The following FNTA variants were observed in gnomAD, a reference collection of about 807,000 sequenced individuals.
The protein encoded by FNTA is farnesyltransferase, CAAX box, subunit alpha, also known as protein farnesyltransferase/geranylgeranyltransferase type-1 subunit alpha.
Under a neutral mutation model 55.2 loss-of-function variants are expected in FNTA, and 27 were observed. The observed-to-expected ratio is 0.49, with a 90% CI of 0.36 to 0.67. FNTA has a LOEUF of 0.67. Ranked by LOEUF, FNTA falls within the 30% of genes least tolerant of loss-of-function variation. The pLI, the probability that FNTA is intolerant of heterozygous loss-of-function variation, is 0.00. For synonymous variants in FNTA, 176 were observed against 170.7 expected, an observed-to-expected ratio of 1.03 and a Z score of -0.24; for missense variants, 422 against 464.7, an observed-to-expected ratio of 0.91 and a Z score of 0.85.
intron 4 of FNTA, among the ~76,000 whole-genome samples, chr8:43,070,719 C>T (rs555433131): frequency 2.0e-5 from 3 of 152,214 alleles, no homozygotes; most frequent in Non-Finnish European, 2.9e-5. Flanking sequence ...CCGCTCTGTT[C>T]GTTTTATAAC....
At chr8:43,065,066 C>T (rs1235031065) in intron 3 of FNTA, among the ~76,000 whole-genome samples, 3 of 151,670 alleles carry the variant, frequency 2.0e-5, no homozygotes, top group Non-Finnish European at 4.4e-5. Flanking sequence ...GATCTCCTGA[C>T]CTCGTGATCC....
At chr8:43,066,261 G>A (rs544168161) in intron 3 of FNTA, among the ~76,000 whole-genome samples, 1 of 146,992 alleles carries the variant, frequency 6.8e-6, no homozygotes. Flanking sequence ...CTGTGAATAT[G>A]CTTTTTTTTT....
In FNTA at chr8:43,056,456, A is replaced by C; in HGVS notation, c.110A>C (p.Glu37Ala). ...CCGCCGCCCCAGCAGCAGCACAAGG[A>C]AGAGATGGCGGCCGAGGCTGGGGAA... ...HPPPPQQQHK[E>A]EMAAEAGEAV... The change falls in exon 1 of 9, where the codon GAA (glutamate) becomes GCA (alanine). Residue 37 changes from glutamate (E) to alanine (A), a missense_variant. Around this residue, in one of 2 missense-constraint regions of FNTA, gnomAD observed 160 missense variants for 121.6 expected, o/e 1.32. Transcript: ENST00000302279. 2 of 1,566,414 alleles carry C rather than the reference A, an allele frequency of 1.3e-6. No homozygotes were observed. Among genetic ancestry groups the C allele is most frequent in the Non-Finnish European group, 1.7e-6 (2 of 1,159,798 alleles).
chr8:43,066,502 G>A (rs200412262), intron 3 of FNTA, among the ~76,000 whole-genome samples: 1 of 145,742 alleles, frequency 6.9e-6, no homozygotes, highest in Non-Finnish European at 1.5e-5. Context: ...CTCGTGATCC[G>A]CCCGCCTCGG....
At chr8:43,059,606 T>C (rs1276710913) in intron 2 of FNTA, among the ~76,000 whole-genome samples, 1 of 152,220 alleles carries the variant, frequency 6.6e-6, no homozygotes, top group Non-Finnish European at 1.5e-5. Context: ...TTATTGATAT[T>C]AAAATGAGTG....
At position 43,085,361 on chromosome 8, in the gene FNTA, T is replaced by A. The variant is rs904972594; in HGVS notation, c.*79T>A. 1.5e-6 allele frequency: 2 copies of A among 1,372,170 alleles called. No individual in the cohort carries two copies. Among genetic ancestry groups the A allele is most frequent in the Admixed American group, 4.3e-5 (2 of 46,804 alleles). 85.0% of individuals were successfully genotyped at this position (1,372,170 alleles called of 1,614,324 possible). The stretch of plus-strand genomic sequence containing the variant: ...CAGGAGTTTCACACGAGAGTGGTCC[T>A]TCCCTTTGCCTGTGGTGTAAAAGTG... On this transcript the variant is annotated 3_prime_UTR_variant, in exon 9 of 9. Transcript: ENST00000302279.
At chr8:43,071,154 T>C (rs1037351648) in intron 4 of FNTA, among the ~76,000 whole-genome samples, 3 of 152,218 alleles carry the variant, frequency 2.0e-5, no homozygotes, top group East Asian at 1.9e-4. Context: ...TACTCTAATA[T>C]AGATTTTTTA....
intron 2 of FNTA, among the ~76,000 whole-genome samples, chr8:43,059,465 C>T (rs553781104): frequency 1.3e-4 from 20 of 152,124 alleles, no homozygotes; most frequent in African/African-American, 4.1e-4. Flanking sequence ...GAGACTCCAC[C>T]GCCAGGGAGA....
chr8:43,085,465 T>G lies in FNTA; in HGVS notation c.*183T>G. The G allele has an allele frequency of 1.7e-6, 1 of 572,216 alleles. No homozygotes were observed. Among genetic ancestry groups the G allele is most frequent in the East Asian group, 3.3e-5 (1 of 30,164 alleles). 35.4% of individuals were successfully genotyped at this position (572,216 alleles called of 1,614,324 possible). A position where few individuals can be genotyped will look rare whatever the true frequency, so the allele number is the denominator to read the frequency against. On this transcript the variant is annotated 3_prime_UTR_variant, in exon 9 of 9. Coordinates refer to ENST00000302279, the MANE Select transcript of FNTA (RefSeq NM_002027.3). ...CTACTCAGACTAGCTCTAAGTAATG[T>G]GATTCTTCTAAAGCAAAGTCATTGG...
chr8:43,064,665 C>A (rs1213385235), intron 3 of FNTA, among the ~76,000 whole-genome samples: 2 of 151,792 alleles, frequency 1.3e-5, no homozygotes, highest in African/African-American at 2.4e-5. Flanking sequence ...AAGTCAGAAG[C>A]TGCATGAAAA....
In FNTA at chr8:43,072,055, T is replaced by C. The variant is rs1043973820; in HGVS notation, c.507-126T>C. ...GTTACCTTTTCTCCACAGTGGAGTG[T>C]TAAGAATTAGAGATGAATTTTTGTT... On this transcript the variant is annotated intron_variant, in intron 4 of 8. Transcript: ENST00000302279. 11 of 629,974 alleles carry C rather than the reference T, an allele frequency of 1.7e-5. No homozygotes were observed. In the South Asian group the frequency reaches 2.1e-4, roughly 12 times the overall value. The allele number at this position is 629,974 out of a possible 1,614,324, so 39.0% of individuals were successfully genotyped here.
At chr8:43,069,686 C>G in intron 4 of FNTA, 27 bp downstream of exon 4, 1 of 1,469,114 alleles carries the variant, frequency 6.8e-7, no homozygotes, top group Non-Finnish European at 9.5e-7. Context: ...GCTGTGTCTC[C>G]CAGGCTGGAG....
At chr8:43,084,915 G>A (rs1210520850) in intron 8 of FNTA, 34 bp downstream of exon 8, 2 of 1,593,916 alleles carry the variant, frequency 1.3e-6, no homozygotes, top group South Asian at 1.1e-5. Context: ...GTCATTTTTG[G>A]TATCTCAGAA....
chr8:43,076,900 A>C (rs935341977), intron 5 of FNTA: 1 of 172,752 alleles, frequency 5.8e-6, no homozygotes, highest in African/African-American at 2.4e-5. Flanking sequence ...AAGATATATT[A>C]ATATCAAGTC....
intron 4 of FNTA, chr8:43,070,434 A>G (rs2130556644): frequency 6.6e-6 from 1 of 152,388 alleles, no homozygotes; most frequent in East Asian, 1.9e-4. Flanking sequence ...GGGAAAAGAG[A>G]TTAAATGGAG....
Position 43,085,395 on chromosome 8 carries a change from A to G in FNTA, c.*113A>G, listed in dbSNP as rs1811107402. On this transcript the variant is annotated 3_prime_UTR_variant, in exon 9 of 9. Transcript: ENST00000302279. ...CCTGTGGTGTAAAAGTGCATCACAC[A>G]GGTATTGCTTTTTAACAAGAACTGA... is the stretch of plus-strand genomic sequence containing the variant. The G allele has an allele frequency of 2.1e-6, 2 of 961,290 alleles. No individual in the cohort carries two copies. Among genetic ancestry groups the G allele is most frequent in the Non-Finnish European group, 3.2e-6 (2 of 631,476 alleles). 59.5% of individuals were successfully genotyped at this position (961,290 alleles called of 1,614,324 possible).
At chr8:43,079,100 A>G (rs2130569597) in intron 6 of FNTA, 1 of 156,760 alleles carries the variant, frequency 6.4e-6, no homozygotes, top group Non-Finnish European at 1.4e-5. Context: ...GAAAGAAGCC[A>G]TCTCCATAGC....
chr8:43,066,529 G>T (rs1810663712), intron 3 of FNTA, among the ~76,000 whole-genome samples: 1 of 151,872 alleles, frequency 6.6e-6, no homozygotes, highest in Non-Finnish European at 1.5e-5. Context: ...AAAGTGCTGG[G>T]ATTACAGGCG....
intron 1 of FNTA, among the ~76,000 whole-genome samples, chr8:43,058,100 A>G (rs978067091): frequency 6.6e-6 from 1 of 152,224 alleles, no homozygotes; most frequent in Non-Finnish European, 1.5e-5. Flanking sequence ...TTGCTTATTA[A>G]GTAGTCATTG....
Sources: gnomAD v4.1 joint callset for allele counts (sites outside exome capture counted in the v4.1 genomes callset) on GRCh38, gnomAD v4.1.1 for gene constraint, gnomAD v4.1.1 regional missense constraint, MANE v1.5 for transcripts, NCBI Gene and HGNC (gene_info 2026-07-23, HGNC 2026-07-21) for gene names.